FHIT: variants seen among roughly 807,000 people sequenced by gnomAD.
FHIT encodes bis(5'-adenosyl)-triphosphatase.
In FHIT, 19 loss-of-function variants were observed where a neutral mutation model predicts 17.9. That is an observed-to-expected ratio of 1.06 (90% confidence interval 0.74 to 1.56). The LOEUF is 1.56. FHIT is among the 40% of genes most tolerant of loss of function. The pLI, the probability that FHIT is intolerant of heterozygous loss-of-function variation, is 0.00. For synonymous variants in FHIT, 81 were observed against 69.7 expected, an observed-to-expected ratio of 1.16 and a Z score of -0.81; for missense variants, 248 against 189.2, an observed-to-expected ratio of 1.31 and a Z score of -1.82.
At chr3:60,276,019 G>A (rs1471147282) in intron 5 of FHIT, among the ~76,000 whole-genome samples, 3 of 146,134 alleles carry the variant, frequency 2.1e-5, no homozygotes, top group East Asian at 2.0e-4. Context: ...ATGGAGTCTC[G>A]CTCAGTCGCC....
At position 59,765,074 on chromosome 3, in the gene FHIT, G is replaced by GAAAC. The variant is rs369643534; in HGVS notation, c.349-12757_349-12754dup. Among the ~76,000 whole-genome samples, 92 of 152,268 alleles carry GAAAC rather than the reference G, an allele frequency of 6.0e-4. 1 individual carries two copies. The highest frequency in any genetic ancestry group is 2.1e-3 in the African/African-American group (88 of 41,534). On this transcript the variant is annotated intron_variant, in intron 8 of 9. Transcript: ENST00000492590. ...GCTGAGATGCTTAAGATGTACTGGA[G>GAAAC]AAACAGCCATGGCTGAGAGATACAC... is the stretch of plus-strand genomic sequence containing the variant.
chr3:60,464,224 T>G (rs1044987707), intron 5 of FHIT, among the ~76,000 whole-genome samples: 1 of 152,120 alleles, frequency 6.6e-6, no homozygotes, highest in Admixed American at 6.6e-5. Flanking sequence ...TTTTAAAAAA[T>G]TGTTGTGGGT....
chr3:59,960,471 G>A (rs1707618404), intron 7 of FHIT, among the ~76,000 whole-genome samples: 1 of 152,074 alleles, frequency 6.6e-6, no homozygotes, highest in African/African-American at 2.4e-5. Context: ...TGTTGACTTT[G>A]GAATACCTTT....
chr3:61,132,822 G>A (rs1371584924), intron 2 of FHIT, among the ~76,000 whole-genome samples: 1 of 152,128 alleles, frequency 6.6e-6, no homozygotes, highest in Non-Finnish European at 1.5e-5. Flanking sequence ...AAGCACAAGG[G>A]AGCTATCGAT....
At chr3:60,204,444 G>GTTTTTTTT (rs56126245) in intron 5 of FHIT, among the ~76,000 whole-genome samples, 2 of 114,970 alleles carry the variant, frequency 1.7e-5, no homozygotes, top group African/African-American at 3.2e-5. Context: ...TAATATTCTG[G>GTTTTTTTT]TTTTTTTTTT....
At chr3:60,569,740 T>TACATATATAC in intron 4 of FHIT, among the ~76,000 whole-genome samples, 1 of 83,474 alleles carries the variant, frequency 1.2e-5, no homozygotes, top group Non-Finnish European at 2.2e-5. Flanking sequence ...TATATATATA[T>TACATATATAC]ATATATATAT....
intron 1 of FHIT, among the ~76,000 whole-genome samples, chr3:61,202,002 A>G (rs1159243891): frequency 1.3e-5 from 2 of 152,158 alleles, no homozygotes; most frequent in Non-Finnish European, 2.9e-5. Flanking sequence ...ATATATACAC[A>G]CACATGTACA....
chr3:60,254,369 T>G (rs866338182), intron 5 of FHIT, among the ~76,000 whole-genome samples: 2 of 152,158 alleles, frequency 1.3e-5, no homozygotes, highest in South Asian at 4.1e-4. Context: ...GCTGAAGATT[T>G]GTGAGTGGGC....
At chr3:60,618,662 G>A (rs568582567) in intron 4 of FHIT, among the ~76,000 whole-genome samples, 3 of 152,256 alleles carry the variant, frequency 2.0e-5, no homozygotes, top group South Asian at 4.2e-4. Context: ...AAGAAGCTGC[G>A]AATATGTTAT....
chr3:61,126,601 G>A (rs922033698), intron 2 of FHIT, among the ~76,000 whole-genome samples: 3 of 152,068 alleles, frequency 2.0e-5, no homozygotes, highest in South Asian at 4.2e-4. Context: ...CTCCCAACTG[G>A]TATCTCCCTC....
intron 5 of FHIT, among the ~76,000 whole-genome samples, chr3:60,028,727 G>T (rs150532019): frequency 6.6e-6 from 1 of 152,244 alleles, no homozygotes; most frequent in East Asian, 1.9e-4. Flanking sequence ...TGCCAATTGC[G>T]CTGATGTTCA....
intron 5 of FHIT, among the ~76,000 whole-genome samples, chr3:60,374,906 T>G (rs1700483551): frequency 6.6e-6 from 1 of 151,890 alleles, no homozygotes; most frequent in South Asian, 2.1e-4. Context: ...TAACAGGATA[T>G]TACAAAATAA....
intron 5 of FHIT, among the ~76,000 whole-genome samples, chr3:60,263,811 G>A (rs1706427721): frequency 1.3e-5 from 2 of 151,786 alleles, no homozygotes; most frequent in South Asian, 4.2e-4. Flanking sequence ...AAGAAATAAA[G>A]TCTTTAGCTT....
At position 59,829,813 on chromosome 3, in the gene FHIT, A is replaced by C. The variant is rs77607387; in HGVS notation, c.349-77492T>G. Among the ~76,000 whole-genome samples the C allele has an allele frequency of 2.4e-3, 363 of 152,270 alleles. 1 individual carries two copies. Among genetic ancestry groups the C allele is most frequent in the African/African-American group, 8.3e-3 (343 of 41,556 alleles). ...AGGTGTCAGAATTATACAATACAGA[A>C]AATAGATCTCTTATAAGGGAGTTTG... is the stretch of plus-strand genomic sequence containing the variant. On this transcript the variant is annotated intron_variant, in intron 8 of 9. Coordinates refer to ENST00000492590, the MANE Select transcript of FHIT (RefSeq NM_002012.4).
intron 4 of FHIT, among the ~76,000 whole-genome samples, chr3:60,745,511 G>C (rs1247145363): frequency 6.6e-6 from 1 of 152,170 alleles, no homozygotes; most frequent in Non-Finnish European, 1.5e-5. Context: ...GGGTATAATG[G>C]TGGTAGTTGA....
chr3:60,187,003 A>G (rs1576275263), intron 5 of FHIT, among the ~76,000 whole-genome samples: 1 of 152,104 alleles, frequency 6.6e-6, no homozygotes, highest in East Asian at 1.9e-4. Context: ...TAGAGTGTTG[A>G]GGCCTATTTT....
chr3:59,962,067 A>C (rs1707713117), intron 7 of FHIT, among the ~76,000 whole-genome samples: 1 of 152,218 alleles, frequency 6.6e-6, no homozygotes, highest in Admixed American at 6.5e-5. Flanking sequence ...ATTTCGATTA[A>C]AGAAATGAAC....
At chr3:60,549,489 C>T (rs1429092891) in intron 4 of FHIT, among the ~76,000 whole-genome samples, 2 of 152,130 alleles carry the variant, frequency 1.3e-5, no homozygotes, top group South Asian at 2.1e-4. Flanking sequence ...TTGAGAATCA[C>T]TGTGTTCAAA....
At chr3:60,787,326 C>T (rs1700618466) in intron 4 of FHIT, among the ~76,000 whole-genome samples, 1 of 152,232 alleles carries the variant, frequency 6.6e-6, no homozygotes, top group South Asian at 2.1e-4. Flanking sequence ...ATTTATCCAT[C>T]CTTCTGAGCA....
Sources: gnomAD v4.1 joint callset for allele counts (sites outside exome capture counted in the v4.1 genomes callset) on GRCh38, gnomAD v4.1.1 for gene constraint, MANE v1.5 for transcripts, NCBI Gene and HGNC (gene_info 2026-07-23, HGNC 2026-07-21) for gene names.